The following NPRL3 variants were observed in gnomAD, a reference collection of about 807,000 sequenced individuals.
NPRL3 encodes the protein GATOR1 complex protein NPRL3.
A neutral mutation model predicts 57.2 loss-of-function variants in NPRL3; 23 were observed. That is an observed-to-expected ratio of 0.40 (90% CI 0.29 to 0.57). NPRL3 has a LOEUF of 0.57. NPRL3 is among the 20% of genes least tolerant of loss of function. The pLI, the probability that NPRL3 is intolerant of heterozygous loss-of-function variation, is 0.42. For synonymous variants in NPRL3, 333 were observed against 321.1 expected, an observed-to-expected ratio of 1.04 and a Z score of -0.39; for missense variants, 691 against 767.1, an observed-to-expected ratio of 0.90 and a Z score of 1.17.
chr16:130,035 AAAAGAACATC>A (rs1900719651), intron 3 of NPRL3, among the ~76,000 whole-genome samples: 1 of 152,182 alleles, frequency 6.6e-6, no homozygotes, highest in Non-Finnish European at 1.5e-5. Flanking sequence ...ATCTGTGCCT[AAAAGAACATC>A]AAAGAACATC....
intron 9 of NPRL3, among the ~76,000 whole-genome samples, chr16:97,232 G>T (rs1373548194): frequency 6.6e-6 from 1 of 151,046 alleles, no homozygotes; most frequent in Admixed American, 6.6e-5. Flanking sequence ...CCCATCAGCA[G>T]CCCCTGCTTC....
At position 85,532 on chromosome 16, in the gene NPRL3, C is replaced by T. The variant is rs1254356700; in HGVS notation, c.*1173G>A. 4 of 1,613,420 alleles carry T rather than the reference C, an allele frequency of 2.5e-6. No individual in the cohort carries two copies. Among genetic ancestry groups the T allele is most frequent in the East Asian group, 2.2e-5 (1 of 44,884 alleles). ...CAAGGACCGCGAGCTCTGCAGTGGC[C>T]CCTCCAAGCTGTGCCAGGCCCTGGC... On this transcript the variant is annotated 3_prime_UTR_variant, in exon 14 of 14. Coordinates refer to ENST00000611875, the MANE Select transcript of NPRL3 (RefSeq NM_001077350.3).
At chr16:96,004 C>T (rs542308169) in intron 9 of NPRL3, among the ~76,000 whole-genome samples, 1 of 152,198 alleles carries the variant, frequency 6.6e-6, no homozygotes, top group Admixed American at 6.5e-5. Flanking sequence ...AGCAGCAACG[C>T]CCTGCTGACC....
intron 2 of NPRL3, among the ~76,000 whole-genome samples, chr16:137,401 C>G (rs534755712): frequency 1.3e-5 from 2 of 152,290 alleles, no homozygotes; most frequent in East Asian, 1.9e-4. Flanking sequence ...CAGAACAATT[C>G]GTGCGATGAA....
At chr16:121,629 AAC>A (rs1491259190) in intron 3 of NPRL3, among the ~76,000 whole-genome samples, 118 of 151,520 alleles carry the variant, frequency 7.8e-4, no homozygotes, top group African/African-American at 2.8e-3. Flanking sequence ...CAAAAAAAAA[AAC>A]AGTCACATTG....
intron 2 of NPRL3, among the ~76,000 whole-genome samples, chr16:131,153 G>A (rs1042871701): frequency 6.6e-6 from 1 of 152,186 alleles, no homozygotes; most frequent in Non-Finnish European, 1.5e-5. Context: ...TGGCCAACAT[G>A]GCGAAACCCC....
chr16:135,608 CAAAAAAAAAA>C (rs555589072), intron 2 of NPRL3, among the ~76,000 whole-genome samples: 1 of 56,852 alleles, frequency 1.8e-5, no homozygotes, highest in East Asian at 4.9e-4. Context: ...GACTCTGTCT[CAAAAAAAAAA>C]AAAAAAAAAA....
At chr16:116,982 A>C (rs1900070855) in intron 5 of NPRL3, among the ~76,000 whole-genome samples, 1 of 152,178 alleles carries the variant, frequency 6.6e-6, no homozygotes, top group South Asian at 2.1e-4. Flanking sequence ...CTCAAAAAAA[A>C]AAAAGAGAAT....
intron 12 of NPRL3, 144 bp downstream of exon 12, chr16:89,569 C>T: frequency 1.4e-6 from 1 of 734,728 alleles, no homozygotes; most frequent in East Asian, 3.3e-5. Flanking sequence ...GAGGTGTCTC[C>T]ACGGGGGACA....
intron 13 of NPRL3, among the ~76,000 whole-genome samples, chr16:87,213 G>A (rs1185942298): frequency 1.3e-5 from 2 of 151,946 alleles, no homozygotes; most frequent in Non-Finnish European, 2.9e-5. Context: ...TAGCTCTGGA[G>A]CCAAATGGTC....
intron 6 of NPRL3, among the ~76,000 whole-genome samples, chr16:111,865 T>C (rs1028176616): frequency 6.6e-6 from 1 of 152,222 alleles, no homozygotes; most frequent in Non-Finnish European, 1.5e-5. Flanking sequence ...GGTCTGACTT[T>C]AGTTTTGTTC....
At chr16:103,025 A>G (rs998211271) in intron 7 of NPRL3, among the ~76,000 whole-genome samples, 1 of 152,170 alleles carries the variant, frequency 6.6e-6, no homozygotes, top group African/African-American at 2.4e-5. Context: ...AGTAAGCAAT[A>G]GTTAGGATCT....
At chr16:101,963 G>C (rs1292159693) in intron 7 of NPRL3, among the ~76,000 whole-genome samples, 1 of 152,178 alleles carries the variant, frequency 6.6e-6, no homozygotes, top group Non-Finnish European at 1.5e-5. Flanking sequence ...TGAGGAGGGG[G>C]GCTTGTGGGT....
intron 5 of NPRL3, among the ~76,000 whole-genome samples, chr16:115,751 G>T (rs1037588588): frequency 6.6e-6 from 1 of 152,202 alleles, no homozygotes; most frequent in African/African-American, 2.4e-5. Flanking sequence ...CTCCCAAAGT[G>T]CTGGTATTAC....
intron 7 of NPRL3, among the ~76,000 whole-genome samples, chr16:102,545 G>C (rs1899344390): frequency 6.6e-6 from 1 of 152,112 alleles, no homozygotes; most frequent in Non-Finnish European, 1.5e-5. Flanking sequence ...GCACCTCCCC[G>C]CATCATGTTT....
Position 100,232 on chromosome 16 carries a change from C to T in NPRL3, c.767+140G>A, listed in dbSNP as rs879891039. On this transcript the variant is annotated intron_variant, in intron 8 of 13. Coordinates refer to ENST00000611875, the MANE Select transcript of NPRL3 (RefSeq NM_001077350.3). Reference sequence around the variant, plus strand: ...AATTATGTGTTTTAACTTCTATAAACGGCAGAGCCCCACCTGCAAGCTTCC... The same window carrying T: ...AATTATGTGTTTTAACTTCTATAAATGGCAGAGCCCCACCTGCAAGCTTCC... 11 of 861,728 alleles carry T rather than the reference C, an allele frequency of 1.3e-5. No homozygotes were observed. The South Asian group carries it at 1.5e-4, about 12-fold the overall frequency. The allele number at this position is 861,728 out of a possible 1,614,324, so 53.4% of individuals were successfully genotyped here.
intron 13 of NPRL3, 42 bp from the exon 14 acceptor site, chr16:86,912 C>T: frequency 1.4e-5 from 22 of 1,581,818 alleles, no homozygotes; most frequent in Non-Finnish European, 1.9e-5. Context: ...TGACACCAGC[C>T]CCCAGAGGCC....
chr16:122,634 T>C (rs763345553), intron 3 of NPRL3, among the ~76,000 whole-genome samples: 1 of 152,174 alleles, frequency 6.6e-6, no homozygotes, highest in Non-Finnish European at 1.5e-5. Flanking sequence ...TGAAGATTCC[T>C]GGAATAACTT....
intron 9 of NPRL3, among the ~76,000 whole-genome samples, chr16:94,443 C>T (rs1898900228): frequency 6.6e-6 from 1 of 152,194 alleles, no homozygotes; most frequent in Non-Finnish European, 1.5e-5. Flanking sequence ...ACACTTATAC[C>T]TCAGCTCAGA....
Sources: allele counts gnomAD v4.1 joint callset (sites outside exome capture counted in the v4.1 genomes callset), GRCh38; gene constraint gnomAD v4.1.1; transcripts MANE v1.5; gene names NCBI Gene and HGNC (gene_info 2026-07-23, HGNC 2026-07-21).